REV3L: variants seen among roughly 807,000 people sequenced by gnomAD.
REV3L encodes DNA polymerase zeta catalytic subunit.
A neutral mutation model predicts 299.4 loss-of-function variants in REV3L; 69 were observed. The observed-to-expected ratio is 0.23, with a 90% CI of 0.19 to 0.28. The LOEUF (loss-of-function observed/expected upper bound fraction) is 0.28, where lower values mean the gene tolerates loss of function less well. Among genes scored for constraint, REV3L ranks in the 10% least tolerant of loss-of-function variants. The pLI, the probability that REV3L is intolerant of heterozygous loss-of-function variation, is 1.00. For synonymous variants in REV3L, 1,238 were observed against 1,271.4 expected, an observed-to-expected ratio of 0.97 and a Z score of 0.56; for missense variants, 3,128 against 3,693.8, an observed-to-expected ratio of 0.85 and a Z score of 3.97.
At chr6:111,330,878 T>C (rs1775313984) in intron 24 of REV3L, 2 of 543,620 alleles carry the variant, frequency 3.7e-6, no homozygotes, top group South Asian at 1.6e-4. Flanking sequence ...AAACATACCA[T>C]GAACTCTTTG....
intron 24 of REV3L, chr6:111,330,910 A>G: frequency 3.6e-6 from 3 of 841,210 alleles, no homozygotes; most frequent in East Asian, 1.2e-4. Flanking sequence ...CTTCATCTAC[A>G]TGGCTAATTT....
At chr6:111,351,437 A>G (rs988213205) in intron 19 of REV3L, among the ~76,000 whole-genome samples, 2 of 152,250 alleles carry the variant, frequency 1.3e-5, no homozygotes, top group African/African-American at 4.8e-5. Flanking sequence ...ATGTATATGA[A>G]AAGTGACTGA....
intron 1 of REV3L, among the ~76,000 whole-genome samples, chr6:111,477,613 G>C (rs1793091751): frequency 6.6e-6 from 1 of 152,218 alleles, no homozygotes. Flanking sequence ...AAAAGAGTAA[G>C]TCAAGAACAT....
In REV3L at chr6:111,456,185, T is replaced by C. The variant is rs371550727; in HGVS notation, c.139+26565A>G. On this transcript the variant is annotated intron_variant, in intron 1 of 31. Coordinates refer to ENST00000368802, the MANE Select transcript of REV3L (RefSeq NM_001372078.1). ...TCCCTGTCGTTAAGCAACACACAAC[T>C]ATACCTTTAAGTAATTTTAGAGTCG... 1.4e-4 allele frequency among the ~76,000 whole-genome samples: 22 copies of C among 152,332 alleles called. No homozygotes were observed. In the South Asian group the frequency reaches 4.6e-3, roughly 32 times the overall value.
chr6:111,388,794 G>C (rs184978699), intron 7 of REV3L, among the ~76,000 whole-genome samples: 164 of 152,188 alleles, frequency 1.1e-3, no homozygotes, highest in Non-Finnish European at 1.6e-3. Context: ...GTTTTCTATA[G>C]CTCATTTGGA....
Position 111,376,224 on chromosome 6 carries a change from C to A in REV3L, c.2131G>T (p.Asp711Tyr). ...TLGKNSFNFSDLNHSKNKVSS... is the reference protein window; with the variant it reads ...TLGKNSFNFSYLNHSKNKVSS... The stretch of plus-strand genomic sequence containing the variant: ...ACTTTATTTTTTGAATGATTTAAGT[C>A]AGAAAAGTTGAAAGAATTTTTGCCC... The change falls in exon 13 of 32, where the codon GAC becomes TAC. Residue 711 changes from aspartate to tyrosine, a missense_variant. Asp to Tyr is a radical substitution (Grantham distance 160). Coordinates refer to ENST00000368802, the MANE Select transcript of REV3L (RefSeq NM_001372078.1). The A allele has an allele frequency of 6.2e-7, 1 of 1,613,496 alleles. No homozygotes were observed. Among genetic ancestry groups the A allele is most frequent in the South Asian group, 1.1e-5 (1 of 91,034 alleles).
chr6:111,383,661 A>G (rs926177887), intron 9 of REV3L, among the ~76,000 whole-genome samples: 1 of 152,216 alleles, frequency 6.6e-6, no homozygotes, highest in African/African-American at 2.4e-5. Flanking sequence ...AAGAATCAAT[A>G]CTGATAAAAT....
intron 1 of REV3L, among the ~76,000 whole-genome samples, chr6:111,478,748 A>T (rs1186550292): frequency 6.6e-6 from 1 of 152,180 alleles, no homozygotes; most frequent in Non-Finnish European, 1.5e-5. Context: ...GCATTTCAGA[A>T]TTATCAATTC....
intron 1 of REV3L, among the ~76,000 whole-genome samples, chr6:111,459,696 CA>C (rs1315450751): frequency 6.6e-6 from 1 of 151,870 alleles, no homozygotes; most frequent in Non-Finnish European, 1.5e-5. Flanking sequence ...CAGAGAAATG[CA>C]AATCAAAATC....
intron 27 of REV3L, 84 bp from the exon 28 acceptor site, chr6:111,313,573 T>A: frequency 2.3e-6 from 3 of 1,329,774 alleles, no homozygotes; most frequent in Non-Finnish European, 2.0e-6. Flanking sequence ...GTGCTTTCTT[T>A]AATCAAGTAT....
In REV3L at chr6:111,307,470, A is replaced by G. The variant is rs2114707080; in HGVS notation, c.9143T>C (p.Leu3048Pro). The G allele has an allele frequency of 6.2e-7, 1 of 1,614,208 alleles. No homozygotes were observed. The highest frequency in any genetic ancestry group is 1.1e-5 in the South Asian group (1 of 91,086). ...TTTACTACAGATGCCATGCTGAGTT[A>G]GGTCATCACACACAGGACAGTGTAA... ...TTLHCPVCDD[L>P]TQHGICSKCR... The change falls in exon 31 of 32, where the codon CTA (leucine) becomes CCA (proline). Residue 3048 changes from leucine to proline, a missense_variant. Leu to Pro is a moderately conservative substitution (Grantham distance 98). Around this residue, in one of 9 missense-constraint regions of REV3L, gnomAD observed 294 missense variants for 377.0 expected, o/e 0.78. Transcript: ENST00000368802.
intron 31 of REV3L, among the ~76,000 whole-genome samples, chr6:111,301,260 A>G (rs1771487357): frequency 6.6e-6 from 1 of 152,140 alleles, no homozygotes; most frequent in South Asian, 2.1e-4. Flanking sequence ...TATCAATGAC[A>G]ATGTGTGCCC....
intron 16 of REV3L, among the ~76,000 whole-genome samples, chr6:111,361,849 C>T (rs1435667827): frequency 6.6e-6 from 1 of 152,054 alleles, no homozygotes; most frequent in Non-Finnish European, 1.5e-5. Context: ...TTTCAACCAC[C>T]GGGCGGCAGT....
intron 1 of REV3L, among the ~76,000 whole-genome samples, chr6:111,422,450 G>A (rs887824385): frequency 6.6e-6 from 1 of 150,966 alleles, no homozygotes; most frequent in African/African-American, 2.4e-5. Flanking sequence ...GTATTTCCTA[G>A]TATAAGAAAA....
intron 4 of REV3L, among the ~76,000 whole-genome samples, chr6:111,394,632 T>C (rs1324981714): frequency 6.6e-6 from 1 of 152,144 alleles, no homozygotes; most frequent in Non-Finnish European, 1.5e-5. Context: ...CTATATGCTT[T>C]GGTTGCCTGT....
intron 3 of REV3L, 86 bp downstream of exon 3, chr6:111,411,394 T>A: frequency 1.2e-6 from 1 of 838,504 alleles, no homozygotes; most frequent in Non-Finnish European, 1.9e-6. Flanking sequence ...GACTACAAAC[T>A]ATAGAGGCCT....
Position 111,375,929 on chromosome 6 carries a change from G to A in REV3L, c.2426C>T (p.Thr809Ile). Residue 809 changes from threonine to isoleucine, a missense_variant, in exon 13 of 32, where the codon ACT becomes ATT. Thr to Ile is a moderately conservative substitution (Grantham distance 89). Transcript: ENST00000368802. ...FPSVVLSNCL[T>I]RPQKLSPVTY... is the part of the protein sequence containing the mutation. ...GACAGGAGATAGTTTCTGTGGTCTA[G>A]TAAGACAGTTAGAAAGAACAACACT... 14 of 1,613,954 alleles carry A rather than the reference G, an allele frequency of 8.7e-6. No individual in the cohort carries two copies. The highest frequency in any genetic ancestry group is 1.2e-5 in the Non-Finnish European group (14 of 1,179,892).
intron 9 of REV3L, among the ~76,000 whole-genome samples, chr6:111,382,715 G>A (rs1280411317): frequency 9.9e-5 from 15 of 152,200 alleles, no homozygotes; most frequent in Admixed American, 9.2e-4. Flanking sequence ...TGGGCTCAGA[G>A]CCAGTAGACT....
At chr6:111,399,646 T>C (rs893521142) in intron 4 of REV3L, among the ~76,000 whole-genome samples, 1 of 152,130 alleles carries the variant, frequency 6.6e-6, no homozygotes, top group African/African-American at 2.4e-5. Context: ...CAATTTGGGT[T>C]TGTCTGATGT....
Sources: allele counts gnomAD v4.1 joint callset (sites outside exome capture counted in the v4.1 genomes callset), GRCh38; gene constraint gnomAD v4.1.1; regional missense constraint gnomAD v4.1.1; transcripts MANE v1.5; gene names NCBI Gene and HGNC (gene_info 2026-07-23, HGNC 2026-07-21).